CADM2: variants seen among roughly 807,000 people sequenced by gnomAD.
CADM2 encodes immunoglobulin superfamily member 4D.
A neutral mutation model predicts 49.8 loss-of-function variants in CADM2; 12 were observed. The ratio of observed to expected loss-of-function variants is 0.24; its 90% confidence interval spans 0.15 to 0.39. The LOEUF is 0.39. Among genes scored for constraint, CADM2 ranks in the 10% least tolerant of loss-of-function variants. The pLI is 1.00. For synonymous variants in CADM2, 214 were observed against 175.4 expected (o/e 1.22, Z -1.74); for missense variants, 378 against 492.3 (o/e 0.77, Z 2.20).
chr3:85,515,045 C>G (rs1415875147), intron 1 of CADM2, among the ~76,000 whole-genome samples: 1 of 152,016 alleles, frequency 6.6e-6, no homozygotes, highest in Admixed American at 6.6e-5. Flanking sequence ...AAAAATAGTA[C>G]AAAAAGTCTT....
At chr3:85,391,995 T>C (rs2034542841) in intron 1 of CADM2, among the ~76,000 whole-genome samples, 1 of 152,118 alleles carries the variant, frequency 6.6e-6, no homozygotes, top group Non-Finnish European at 1.5e-5. Context: ...TGTTACAAGC[T>C]TCCTGTCATA....
intron 1 of CADM2, among the ~76,000 whole-genome samples, chr3:85,211,858 C>A (rs2041787616): frequency 1.3e-5 from 2 of 152,136 alleles, no homozygotes; most frequent in South Asian, 2.1e-4. Flanking sequence ...GATGATTTTT[C>A]AAATGCAGAA....
At chr3:85,871,626 G>A (rs1220598860) in intron 3 of CADM2, among the ~76,000 whole-genome samples, 1 of 151,958 alleles carries the variant, frequency 6.6e-6, no homozygotes, top group Non-Finnish European at 1.5e-5. Context: ...GAAGATAAAA[G>A]GTAGAAAAAT....
At chr3:85,423,287 C>A (rs553003797) in intron 1 of CADM2, among the ~76,000 whole-genome samples, 1 of 152,030 alleles carries the variant, frequency 6.6e-6, no homozygotes, top group Non-Finnish European at 1.5e-5. Flanking sequence ...ACATTATGGG[C>A]AGGGGAGGGG....
chr3:85,143,352 G>A (rs1333186063), intron 1 of CADM2, among the ~76,000 whole-genome samples: 1 of 152,056 alleles, frequency 6.6e-6, no homozygotes. Context: ...ATCAGGCATC[G>A]TGTCACACAC....
intron 1 of CADM2, among the ~76,000 whole-genome samples, chr3:85,044,142 C>T (rs1219661069): frequency 2.6e-5 from 4 of 152,110 alleles, no homozygotes; most frequent in Non-Finnish European, 5.9e-5. Flanking sequence ...TCTGTCCTTC[C>T]ACCTAATACT....
At chr3:86,007,774 C>T (rs1459291508) in intron 8 of CADM2, among the ~76,000 whole-genome samples, 1 of 152,124 alleles carries the variant, frequency 6.6e-6, no homozygotes, top group Non-Finnish European at 1.5e-5. Flanking sequence ...GAGTTTCTGG[C>T]TTCTCTACGA....
At chr3:85,476,530 C>T (rs941234776) in intron 1 of CADM2, among the ~76,000 whole-genome samples, 13 of 151,732 alleles carry the variant, frequency 8.6e-5, no homozygotes, top group African/African-American at 2.4e-4. Flanking sequence ...TTCTAATTCA[C>T]TCTTTTATGA....
At chr3:85,535,986 C>G (rs1261738726) in intron 1 of CADM2, among the ~76,000 whole-genome samples, 2 of 152,006 alleles carry the variant, frequency 1.3e-5, no homozygotes, top group African/African-American at 2.4e-5. Context: ...GAGAATAAAA[C>G]TTTGGGAGTC....
At chr3:85,032,742 A>G (rs2035040976) in intron 1 of CADM2, among the ~76,000 whole-genome samples, 3 of 152,058 alleles carry the variant, frequency 2.0e-5, no homozygotes, top group Admixed American at 2.0e-4. Context: ...GTTTTTTTTC[A>G]AATGACTTCA....
chr3:85,714,133 A>G (rs73845626), intron 1 of CADM2, among the ~76,000 whole-genome samples: 1,812 of 152,316 alleles, frequency 0.012, 43 homozygotes, highest in African/African-American at 0.042. Context: ...GGAATTGAAT[A>G]GGTTATTTGA....
intron 1 of CADM2, among the ~76,000 whole-genome samples, chr3:85,185,905 T>C (rs963851214): frequency 1.3e-4 from 20 of 152,134 alleles, no homozygotes; most frequent in Non-Finnish European, 2.1e-4. Context: ...GGGTAAGTAA[T>C]TGATTATTCT....
intron 1 of CADM2, among the ~76,000 whole-genome samples, chr3:85,702,366 T>A (rs561678764): frequency 2.3e-4 from 35 of 152,256 alleles, no homozygotes; most frequent in African/African-American, 8.4e-4. Flanking sequence ...ATGGTTCTTT[T>A]TCAGCTCCTC....
chr3:85,835,316 T>G (rs2074361200), intron 3 of CADM2, among the ~76,000 whole-genome samples: 1 of 120,708 alleles, frequency 8.3e-6, no homozygotes, highest in African/African-American at 5.3e-5. Context: ...TTTAGCTTCT[T>G]TTTTTTTTTT....
chr3:85,584,261 C>A (rs2062874646), intron 1 of CADM2, among the ~76,000 whole-genome samples: 1 of 152,002 alleles, frequency 6.6e-6, no homozygotes, highest in South Asian at 2.1e-4. Context: ...GGAAAGCAGT[C>A]TGTAGAATAC....
intron 1 of CADM2, among the ~76,000 whole-genome samples, chr3:85,280,967 A>C (rs1441229205): frequency 6.6e-6 from 1 of 151,920 alleles, no homozygotes; most frequent in Non-Finnish European, 1.5e-5. Context: ...ATGATACGTG[A>C]CACAAAGTAC....
rs531173908 is a variant in CADM2, at chr3:85,725,798, T to C, written c.62-724T>C. On this transcript the variant is annotated intron_variant, in intron 1 of 9. Coordinates refer to ENST00000383699, the MANE Select transcript of CADM2 (RefSeq NM_001167675.2). ...CAACCAAGTACCAAAATTGCTGGAGTTTAGTGAATCATATAATTTTTATTT... is the reference window on the plus strand; with the variant it reads ...CAACCAAGTACCAAAATTGCTGGAGCTTAGTGAATCATATAATTTTTATTT... Among the ~76,000 whole-genome samples the C allele has an allele frequency of 4.5e-4, 69 of 152,058 alleles. 1 individual carries two copies. Among genetic ancestry groups the C allele is most frequent in the African/African-American group, 1.6e-3 (67 of 41,538 alleles).
chr3:86,032,184 A>C (rs1422642606), intron 8 of CADM2, among the ~76,000 whole-genome samples: 1 of 151,826 alleles, frequency 6.6e-6, no homozygotes, highest in Non-Finnish European at 1.5e-5. Flanking sequence ...GTTTAAATAC[A>C]CTATACTATA....
chr3:85,167,174 T>A (rs1356267462), intron 1 of CADM2, among the ~76,000 whole-genome samples: 1 of 152,018 alleles, frequency 6.6e-6, no homozygotes, highest in Non-Finnish European at 1.5e-5. Flanking sequence ...GATTCCAGTA[T>A]CAAAAGGTGA....
Sources: allele counts gnomAD v4.1 joint callset (sites outside exome capture counted in the v4.1 genomes callset), GRCh38; gene constraint gnomAD v4.1.1; transcripts MANE v1.5; gene names NCBI Gene and HGNC (gene_info 2026-07-23, HGNC 2026-07-21).